The following FNBP1 variants were observed in gnomAD, a reference collection of about 807,000 sequenced individuals.
FNBP1 encodes formin-binding protein 1.
Under a neutral mutation model 90.6 loss-of-function variants are expected in FNBP1, and 26 were observed. The ratio of observed to expected loss-of-function variants is 0.29; its 90% confidence interval spans 0.21 to 0.40. The LOEUF is 0.40. Ranked by LOEUF, FNBP1 falls within the 10% of genes least tolerant of loss-of-function variation. The pLI, the probability that FNBP1 is intolerant of heterozygous loss-of-function variation, is 1.00. For missense variants in FNBP1, 635 were observed against 768.0 expected (o/e 0.83, Z 2.05); for synonymous variants, 260 against 265.2 (o/e 0.98, Z 0.19).
intron 6 of FNBP1, among the ~76,000 whole-genome samples, chr9:129,944,642 A>G (rs2044936166): frequency 2.6e-5 from 4 of 152,178 alleles, no homozygotes; most frequent in African/African-American, 7.2e-5. Context: ...TGGCAATAAC[A>G]GTGTCAGCCA....
At chr9:130,044,890 T>C (rs1324770692), upstream of FNBP1, 3 of 152,298 alleles carry the variant, frequency 2.0e-5, no homozygotes, top group Admixed American at 1.3e-4. Flanking sequence ...TGAGCCAAGA[T>C]TGTGCCACTG....
intron 11 of FNBP1, among the ~76,000 whole-genome samples, chr9:129,915,525 G>A (rs539902222): frequency 6.4e-4 from 97 of 152,058 alleles, no homozygotes; most frequent in Non-Finnish European, 1.2e-3. Flanking sequence ...TGCCACGCCC[G>A]GCTAATTTTT....
chr9:129,982,505 G>A (rs1180243278), intron 2 of FNBP1, among the ~76,000 whole-genome samples: 1 of 151,956 alleles, frequency 6.6e-6, no homozygotes, highest in Admixed American at 6.6e-5. Flanking sequence ...AAAAAAGAAA[G>A]GGAAATGTGC....
At chr9:129,978,107 G>T (rs774444678) in intron 4 of FNBP1, among the ~76,000 whole-genome samples, 1 of 151,296 alleles carries the variant, frequency 6.6e-6, no homozygotes, top group African/African-American at 2.4e-5. Flanking sequence ...TGCAACCTCC[G>T]CCTCCCAGGT....
rs2048697340 is a variant in FNBP1, at chr9:129,966,759, C to CAACAAA, written c.346-8212_346-8207dup. Among the ~76,000 whole-genome samples, 1 of 151,908 alleles carries CAACAAA rather than the reference C, an allele frequency of 6.6e-6. No individual in the cohort carries two copies. Among genetic ancestry groups the CAACAAA allele is most frequent in the African/African-American group, 2.4e-5 (1 of 41,342 alleles). Reference sequence around the variant, plus strand: ...ACAACAACAACAACAACAACAACAACAACAAAAGAAAGGAAGTGACATGGC... The same window carrying CAACAAA: ...ACAACAACAACAACAACAACAACAACAACAAAAACAAAAGAAAGGAAGTGACATGGC... On this transcript the variant is annotated intron_variant, in intron 4 of 16. Transcript: ENST00000446176. This position sits in a 1 kb window ranked among gnomAD's most constrained non-coding sequence, Gnocchi z 4.3.
At chr9:129,996,375 C>T (rs1377754423) in intron 1 of FNBP1, among the ~76,000 whole-genome samples, 1 of 152,082 alleles carries the variant, frequency 6.6e-6, no homozygotes, top group Non-Finnish European at 1.5e-5. Flanking sequence ...GGCATGAGCA[C>T]ATCACAGGGA....
At chr9:130,012,452 G>A (rs1252667218) in intron 1 of FNBP1, among the ~76,000 whole-genome samples, 4 of 152,042 alleles carry the variant, frequency 2.6e-5, no homozygotes, top group Non-Finnish European at 4.4e-5. Flanking sequence ...TAAGAGGTAC[G>A]GGGATAATTG....
chr9:130,047,442 GTCTC>G (rs1225812729), upstream of FNBP1, among the ~76,000 whole-genome samples: 1 of 152,060 alleles, frequency 6.6e-6, no homozygotes, highest in Non-Finnish European at 1.5e-5. Context: ...GTGAAACTCT[GTCTC>G]TACTAAAAAT....
At chr9:130,000,495 T>A (rs1020043190) in intron 1 of FNBP1, among the ~76,000 whole-genome samples, 2 of 152,080 alleles carry the variant, frequency 1.3e-5, no homozygotes, top group Non-Finnish European at 2.9e-5. Flanking sequence ...CGAGACTCCA[T>A]GTCAAAAACA....
chr9:129,931,245 G>A (rs1468767555), intron 6 of FNBP1, among the ~76,000 whole-genome samples: 1 of 152,052 alleles, frequency 6.6e-6, no homozygotes, highest in Non-Finnish European at 1.5e-5. Context: ...GCAGTGAGCT[G>A]TGATCACTAC....
intron 4 of FNBP1, among the ~76,000 whole-genome samples, chr9:129,974,304 C>T (rs1374644405): frequency 6.6e-6 from 1 of 152,144 alleles, no homozygotes; most frequent in Non-Finnish European, 1.5e-5. Flanking sequence ...ACACCCAGCT[C>T]ACTGCACCTT....
intron 1 of FNBP1, among the ~76,000 whole-genome samples, chr9:130,037,330 G>A (rs1213229691): frequency 6.7e-6 from 1 of 149,450 alleles, no homozygotes; most frequent in East Asian, 1.9e-4. Flanking sequence ...CGCCAGCCTG[G>A]GTGACTGAGC....
At position 130,011,243 on chromosome 9, in the gene FNBP1, AAT is replaced by A. The variant is rs1589249829; in HGVS notation, c.25-16287_25-16286del. 3.8e-3 allele frequency among the ~76,000 whole-genome samples: 161 copies of A among 42,230 alleles called. 2 individuals carry two copies. The highest frequency in any genetic ancestry group is 0.014 in the African/African-American group (135 of 9,976). The allele number at this position is 42,230 out of a possible 152,430, so 27.7% of individuals were successfully genotyped here. On this transcript the variant is annotated intron_variant, in intron 1 of 16. Transcript: ENST00000446176. The stretch of plus-strand genomic sequence containing the variant: ...AAAAAAAAAAAAAAAAAAAAAAAAA[AAT>A]ATATATATATATATATATATATAAA...
chr9:129,890,488 A>G lies in FNBP1; in HGVS notation c.*51T>C. On this transcript the variant is annotated 3_prime_UTR_variant, in exon 17 of 17. Transcript: ENST00000446176. This position sits in a 1 kb window ranked among gnomAD's most constrained non-coding sequence, Gnocchi z 5.8. The stretch of plus-strand genomic sequence containing the variant: ...GCGCTGGAGGCCTGTGGGAACAAGC[A>G]GACGGAGGCTCCTCCAGGAAGGCTC... 6.5e-7 allele frequency: 1 copy of G among 1,533,340 alleles called. No individual in the cohort carries two copies. The highest frequency in any genetic ancestry group is 1.2e-5 in the South Asian group (1 of 84,502). 95.0% of individuals were successfully genotyped at this position (1,533,340 alleles called of 1,614,324 possible). A position where few individuals can be genotyped will look rare whatever the true frequency, so the allele number is the denominator to read the frequency against.
intron 2 of FNBP1, among the ~76,000 whole-genome samples, chr9:129,982,747 C>T (rs192506457): frequency 6.6e-6 from 1 of 152,268 alleles, no homozygotes; most frequent in African/African-American, 2.4e-5. Flanking sequence ...CTGCAAGCCT[C>T]GAACTCCTGG....
intron 1 of FNBP1, among the ~76,000 whole-genome samples, chr9:130,005,903 T>C (rs557980490): frequency 6.6e-6 from 1 of 152,298 alleles, no homozygotes; most frequent in Admixed American, 6.5e-5. Flanking sequence ...TTCCACAAAA[T>C]CATATATTCA....
At chr9:129,988,157 G>A (rs565368450) in intron 2 of FNBP1, among the ~76,000 whole-genome samples, 147 of 152,178 alleles carry the variant, frequency 9.7e-4, no homozygotes, top group Admixed American at 4.3e-3. Context: ...AGGTTGAGCA[G>A]GCCCTGTTAC....
chr9:129,995,690 G>T (rs1028317860), intron 1 of FNBP1, among the ~76,000 whole-genome samples: 13 of 152,194 alleles, frequency 8.5e-5, no homozygotes, highest in African/African-American at 2.7e-4. Context: ...AAGAATGAGA[G>T]GGGACAGGTA....
In FNBP1 at chr9:129,902,876, T is replaced by A; in HGVS notation, c.1421A>T (p.Lys474Ile). Residue 474 changes from lysine to isoleucine, a missense_variant, in exon 13 of 17, where the codon AAA (lysine) becomes ATA (isoleucine). Transcript: ENST00000446176. ...ACAACAGAAGTTTCATACCTCAAAT[T>A]TCTGGGTCTCTACTCGCAGTTTCTC... ...NIEKLRVETQ[K>I]FEAWLAEVEG... 4 of 1,613,430 alleles carry A rather than the reference T, an allele frequency of 2.5e-6. No individual in the cohort carries two copies. The highest frequency in any genetic ancestry group is 3.4e-6 in the Non-Finnish European group (4 of 1,179,798).
Sources: gnomAD v4.1 joint callset for allele counts (sites outside exome capture counted in the v4.1 genomes callset) on GRCh38, gnomAD v4.1.1 for gene constraint, Gnocchi (gnomAD v3.1) non-coding constraint, MANE v1.5 for transcripts, NCBI Gene and HGNC (gene_info 2026-07-23, HGNC 2026-07-21) for gene names.